LSAMP: variants seen among roughly 807,000 people sequenced by gnomAD.
LSAMP encodes limbic system associated membrane protein, also known as limbic system-associated membrane protein.
LSAMP carries 7 observed loss-of-function variants against 38.6 expected under a neutral mutation model. The ratio of observed to expected loss-of-function variants is 0.18; its 90% CI spans 0.10 to 0.34. The LOEUF is 0.34. Among genes scored for constraint, LSAMP ranks in the 10% least tolerant of loss-of-function variants. LSAMP has a pLI of 1.00. For synonymous variants in LSAMP, 154 were observed against 166.8 expected, an observed-to-expected ratio of 0.92 and a Z score of 0.59; for missense variants, 313 against 420.0, an observed-to-expected ratio of 0.75 and a Z score of 2.23.
intron 1 of LSAMP, among the ~76,000 whole-genome samples, chr3:116,215,027 A>G (rs2046203275): frequency 6.6e-6 from 1 of 152,214 alleles, no homozygotes; most frequent in South Asian, 2.1e-4. Flanking sequence ...GTTATCTATT[A>G]ATTCAATAAA....
intron 2 of LSAMP, among the ~76,000 whole-genome samples, chr3:116,039,810 G>T (rs890330533): frequency 6.6e-6 from 1 of 152,178 alleles, no homozygotes; most frequent in Non-Finnish European, 1.5e-5. Context: ...GCTGCAATAC[G>T]AATGGCAGGT....
chr3:116,033,802 G>GA (rs1186347662), intron 2 of LSAMP, among the ~76,000 whole-genome samples: 1 of 152,112 alleles, frequency 6.6e-6, no homozygotes, highest in Non-Finnish European at 1.5e-5. Context: ...CTGACTGCTG[G>GA]AAAAATAGGG....
At chr3:115,899,632 A>G (rs1576198692) in intron 3 of LSAMP, among the ~76,000 whole-genome samples, 1 of 152,306 alleles carries the variant, frequency 6.6e-6, no homozygotes, top group African/African-American at 2.4e-5. Flanking sequence ...TAAATCTTAT[A>G]TGTCAAATTG....
At position 116,445,476 on chromosome 3, in the gene LSAMP, C is replaced by T; in HGVS notation, c.-445G>A. The stretch of plus-strand genomic sequence containing the variant: ...AAGCCTGCCAGTGAGTGTACAGAAA[C>T]AGCCACACAGCAGCAGCAGCAGCAG... On this transcript the variant is annotated 5_prime_UTR_variant, in exon 1 of 7. Transcript: ENST00000490035. 4.6e-6 allele frequency: 2 copies of T among 433,928 alleles called. No individual in the cohort carries two copies. Among genetic ancestry groups the T allele is most frequent in the African/African-American group, 2.0e-5 (1 of 49,042 alleles). 26.9% of individuals were successfully genotyped at this position (433,928 alleles called of 1,614,324 possible).
chr3:115,834,573 T>G, intron 6 of LSAMP: 1 of 1,275,752 alleles, frequency 7.8e-7, no homozygotes, highest in Non-Finnish European at 1.0e-6. Context: ...TTGAATGGGG[T>G]GGGGGATTGT....
intron 3 of LSAMP, among the ~76,000 whole-genome samples, chr3:116,011,623 C>G (rs1940328140): frequency 6.6e-6 from 1 of 151,624 alleles, no homozygotes; most frequent in Non-Finnish European, 1.5e-5. Flanking sequence ...GCAAAGGGTC[C>G]AACTGGAAAA....
intron 3 of LSAMP, among the ~76,000 whole-genome samples, chr3:115,994,509 G>A (rs1334355917): frequency 2.6e-5 from 4 of 152,014 alleles, no homozygotes; most frequent in Non-Finnish European, 2.9e-5. Flanking sequence ...TTCTCTTAAT[G>A]TGTCTTAGTC....
intron 1 of LSAMP, among the ~76,000 whole-genome samples, chr3:116,134,977 A>G (rs1199010182): frequency 1.3e-5 from 2 of 152,190 alleles, no homozygotes; most frequent in African/African-American, 4.8e-5. Context: ...TTATTGATGG[A>G]CTGTTTATGA....
chr3:115,940,073 C>T (rs1036562977), intron 3 of LSAMP, among the ~76,000 whole-genome samples: 5 of 150,386 alleles, frequency 3.3e-5, no homozygotes, highest in African/African-American at 4.9e-5. Context: ...TTAATGGTGG[C>T]GCATCTGGAG....
At chr3:116,185,548 C>T (rs1269697081) in intron 1 of LSAMP, among the ~76,000 whole-genome samples, 2 of 152,024 alleles carry the variant, frequency 1.3e-5, no homozygotes, top group Non-Finnish European at 2.9e-5. Context: ...CATTTATACT[C>T]TCCTTCATGT....
At chr3:115,871,734 G>A (rs1286124950) in intron 3 of LSAMP, among the ~76,000 whole-genome samples, 1 of 151,876 alleles carries the variant, frequency 6.6e-6, no homozygotes, top group Non-Finnish European at 1.5e-5. Flanking sequence ...ACTTTCCTTG[G>A]TTACTTTTGA....
At chr3:116,297,776 T>C (rs2047355463) in intron 1 of LSAMP, among the ~76,000 whole-genome samples, 1 of 152,210 alleles carries the variant, frequency 6.6e-6, no homozygotes, top group Non-Finnish European at 1.5e-5. Context: ...AAAAATAAAA[T>C]AGGTGAAAAT....
intron 1 of LSAMP, among the ~76,000 whole-genome samples, chr3:116,155,332 C>A (rs1412692479): frequency 6.6e-6 from 1 of 152,012 alleles, no homozygotes; most frequent in Non-Finnish European, 1.5e-5. Context: ...TCAAGTAATT[C>A]TTCTGCCTCA....
At chr3:116,009,420 C>A (rs1940260591) in intron 3 of LSAMP, among the ~76,000 whole-genome samples, 1 of 152,100 alleles carries the variant, frequency 6.6e-6, no homozygotes, top group South Asian at 2.1e-4. Context: ...CTTGGCAATC[C>A]CCCTGTAATT....
At chr3:116,268,046 G>A (rs2046915306) in intron 1 of LSAMP, among the ~76,000 whole-genome samples, 1 of 152,048 alleles carries the variant, frequency 6.6e-6, no homozygotes, top group Admixed American at 6.6e-5. Flanking sequence ...TTCTGCTCTG[G>A]ACATCTCTTC....
chr3:116,305,429 T>C (rs1278262940), intron 1 of LSAMP, among the ~76,000 whole-genome samples: 1 of 152,108 alleles, frequency 6.6e-6, no homozygotes, highest in Non-Finnish European at 1.5e-5. Context: ...AAGATGCCCT[T>C]GAACCAAATA....
At chr3:115,823,474 A>T (rs737486) in intron 6 of LSAMP, among the ~76,000 whole-genome samples, 24,470 of 152,266 alleles carry the variant, frequency 0.16, 2,280 homozygotes, top group Middle Eastern at 0.23. Flanking sequence ...CAGACAAAAC[A>T]TTTGTTTATA....
intron 1 of LSAMP, among the ~76,000 whole-genome samples, chr3:116,388,155 T>C (rs2048648332): frequency 6.6e-6 from 1 of 151,934 alleles, no homozygotes; most frequent in Non-Finnish European, 1.5e-5. Context: ...GAAGATGGTG[T>C]AGTAGTGGAG....
At chr3:115,872,582 C>T (rs1167877351) in intron 3 of LSAMP, among the ~76,000 whole-genome samples, 2 of 151,624 alleles carry the variant, frequency 1.3e-5, no homozygotes, top group Admixed American at 1.3e-4. Flanking sequence ...ATTGAGCCTC[C>T]CGAGAATGGA....
Sources: gnomAD v4.1 joint callset for allele counts (sites outside exome capture counted in the v4.1 genomes callset) on GRCh38, gnomAD v4.1.1 for gene constraint, MANE v1.5 for transcripts, NCBI Gene and HGNC (gene_info 2026-07-23, HGNC 2026-07-21) for gene names.